Variants in ZNF609 observed in about 807,000 individuals in gnomAD.
ZNF609 encodes the protein zinc finger protein 609.
ZNF609 carries 11 observed loss-of-function variants against 109.5 expected under a neutral mutation model. The ratio of observed to expected loss-of-function variants is 0.10; its 90% CI spans 0.06 to 0.17. The LOEUF is 0.17. ZNF609 is among the 10% of genes least tolerant of loss of function. The pLI, the probability that ZNF609 is intolerant of heterozygous loss-of-function variation, is 1.00. For missense variants in ZNF609, 1,559 were observed against 1,772.4 expected (o/e 0.88, Z 2.16); for synonymous variants, 646 against 662.0 (o/e 0.98, Z 0.37).
At chr15:64,571,652 T>C (rs1036448748) in intron 2 of ZNF609, among the ~76,000 whole-genome samples, 1 of 152,116 alleles carries the variant, frequency 6.6e-6, no homozygotes, top group African/African-American at 2.4e-5. Flanking sequence ...TCAAACTCTC[T>C]AGTTTTATGT....
At chr15:64,480,993 A>G (rs1893243781) in intron 1 of ZNF609, among the ~76,000 whole-genome samples, 1 of 152,222 alleles carries the variant, frequency 6.6e-6, no homozygotes, top group African/African-American at 2.4e-5. Flanking sequence ...GGAGGAACAA[A>G]TAAGAATTGA....
At chr15:64,677,891 C>T (rs552435400) in intron 5 of ZNF609, among the ~76,000 whole-genome samples, 7 of 152,286 alleles carry the variant, frequency 4.6e-5, no homozygotes, top group Admixed American at 6.5e-5. Context: ...TCTCCCCCTG[C>T]CCCATCTTGT....
chr15:64,478,381 T>A (rs1005078661), intron 1 of ZNF609, among the ~76,000 whole-genome samples: 1 of 152,032 alleles, frequency 6.6e-6, no homozygotes, highest in South Asian at 2.1e-4. Flanking sequence ...AATGAACTTT[T>A]TTTTTTTGAG....
At chr15:64,631,706 ATTT>A (rs766937011) in intron 3 of ZNF609, 300 of 166,306 alleles carry the variant, frequency 1.8e-3, no homozygotes, top group Middle Eastern at 4.7e-3. Context: ...CTAATTTTGT[ATTT>A]TTTTTTTTTT....
chr15:64,517,010 T>C lies in ZNF609; in HGVS notation c.747+16844T>C, dbSNP rs1313538692. ...CGGAAACTTTTTACTTGATAATGTT[T>C]GTCTGGCTCTTCCTTATTTAATTGC... On this transcript the variant is annotated intron_variant, in intron 2 of 9. Transcript: ENST00000326648. Among the ~76,000 whole-genome samples, 5 of 152,194 alleles carry C rather than the reference T, an allele frequency of 3.3e-5. No individual in the cohort carries two copies. In the East Asian group the frequency reaches 9.6e-4, roughly 29 times the overall value.
At chr15:64,627,617 GT>G (rs1365875395) in intron 3 of ZNF609, among the ~76,000 whole-genome samples, 1 of 150,486 alleles carries the variant, frequency 6.6e-6, no homozygotes, top group Non-Finnish European at 1.5e-5. Context: ...GTTGAACTAG[GT>G]GACCAATTAG....
In ZNF609 at chr15:64,674,366, G is replaced by A; in HGVS notation, c.1512G>A (p.Lys504=). The part of the protein sequence containing the change: ...LIDCPHPNCN[K]KYKHINGLKY... ...ACTGTCCCCACCCAAACTGCAACAA[G>A]AAGTACAAGCACATCAATGGACTTA... Residue 504 remains lysine, a synonymous_variant, in exon 5 of 10, where the codon AAG becomes AAA. Transcript: ENST00000326648. 6.2e-7 allele frequency: 1 copy of A among 1,614,080 alleles called. No homozygotes were observed. The highest frequency in any genetic ancestry group is 8.5e-7 in the Non-Finnish European group (1 of 1,180,026).
At chr15:64,518,884 A>C (rs536663080) in intron 2 of ZNF609, among the ~76,000 whole-genome samples, 178 of 152,136 alleles carry the variant, frequency 1.2e-3, no homozygotes, top group Middle Eastern at 6.8e-3. Context: ...AATGATAATG[A>C]GTTTAACTTG....
chr15:64,482,242 A>G (rs1386415242), intron 1 of ZNF609, among the ~76,000 whole-genome samples: 1 of 152,238 alleles, frequency 6.6e-6, no homozygotes, highest in African/African-American at 2.4e-5. Flanking sequence ...ACAAATGATG[A>G]TAGATGCTTA....
chr15:64,463,201 C>T (rs1892966997), intron 1 of ZNF609, among the ~76,000 whole-genome samples: 4 of 152,104 alleles, frequency 2.6e-5, no homozygotes, highest in Admixed American at 2.6e-4. Flanking sequence ...TCGAGACCAG[C>T]TTGGGCAACA....
intron 2 of ZNF609, among the ~76,000 whole-genome samples, chr15:64,543,255 C>CTTTTTTTTTTTTTTTTTTTTTT (rs77646116): frequency 8.8e-6 from 1 of 113,316 alleles, no homozygotes; most frequent in Admixed American, 9.1e-5. Context: ...TTTGTTGTTG[C>CTTTTTTTTTTTTTTTTTTTTTT]TTTTTTTTTT....
chr15:64,474,401 C>T (rs550484095), intron 1 of ZNF609, among the ~76,000 whole-genome samples: 6 of 151,702 alleles, frequency 4.0e-5, no homozygotes, highest in Non-Finnish European at 8.8e-5. Flanking sequence ...TTAGTAGCGA[C>T]GGGGTTTCTC....
intron 2 of ZNF609, among the ~76,000 whole-genome samples, chr15:64,533,437 CT>C (rs1200735435): frequency 8.5e-5 from 13 of 152,280 alleles, no homozygotes; most frequent in African/African-American, 3.1e-4. Flanking sequence ...AGTTACTGAG[CT>C]TTTAGGGGAA....
chr15:64,488,216 T>C (rs1893359094), intron 1 of ZNF609, among the ~76,000 whole-genome samples: 1 of 152,172 alleles, frequency 6.6e-6, no homozygotes, highest in Admixed American at 6.5e-5. Flanking sequence ...CACACTCTGA[T>C]CTAGTAGATT....
chr15:64,552,764 T>C (rs2442044), intron 2 of ZNF609, among the ~76,000 whole-genome samples: 1 of 152,246 alleles, frequency 6.6e-6, no homozygotes, highest in Admixed American at 6.5e-5. Context: ...ATGGTTGGCC[T>C]CAGGCTCCCA....
In ZNF609 at chr15:64,685,257, A is replaced by C. The variant is rs1431004874; in HGVS notation, c.*3571A>C. The C allele has an allele frequency of 6.6e-6, 1 of 152,410 alleles. No individual in the cohort carries two copies. The highest frequency in any genetic ancestry group is 6.6e-5 in the Admixed American group (1 of 15,248). The allele number at this position is 152,410 out of a possible 1,614,324, so 9.4% of individuals were successfully genotyped here. A position where few individuals can be genotyped will look rare whatever the true frequency, so the allele number is the denominator to read the frequency against. ...AAGAGAAAATAAATCTTTTTAAGAG[A>C]CAATCACAAATCTGTGAGGGCTGCT... is the stretch of plus-strand genomic sequence containing the variant. On this transcript the variant is annotated 3_prime_UTR_variant, in exon 10 of 10. Transcript: ENST00000326648.
chr15:64,587,122 C>G (rs1205523435), intron 2 of ZNF609, among the ~76,000 whole-genome samples: 1 of 152,148 alleles, frequency 6.6e-6, no homozygotes, highest in Non-Finnish European at 1.5e-5. Flanking sequence ...TAATTTAACT[C>G]ACAAGGATGG....
At chr15:64,598,748 A>G (rs1362865214) in intron 2 of ZNF609, among the ~76,000 whole-genome samples, 5,836 of 70,162 alleles carry the variant, frequency 0.083, 130 homozygotes, top group Non-Finnish European at 0.1. Context: ...GTGTGTATAT[A>G]TATATATATA....
chr15:64,634,100 G>A (rs1157015257), intron 3 of ZNF609, among the ~76,000 whole-genome samples: 1 of 152,020 alleles, frequency 6.6e-6, no homozygotes, highest in Middle Eastern at 3.2e-3. Flanking sequence ...GTGTCTGTGT[G>A]TATATACTCT....
Sources: allele counts gnomAD v4.1 joint callset (sites outside exome capture counted in the v4.1 genomes callset), GRCh38; gene constraint gnomAD v4.1.1; transcripts MANE v1.5; gene names NCBI Gene and HGNC (gene_info 2026-07-23, HGNC 2026-07-21).